Variants in GSE1 observed in about 807,000 individuals in gnomAD.
GSE1 encodes genetic suppressor element 1.
A neutral mutation model predicts 112.6 loss-of-function variants in GSE1; 32 were observed. That is an observed-to-expected ratio of 0.28 (90% CI 0.21 to 0.38). The LOEUF (loss-of-function observed/expected upper bound fraction) is 0.38, where lower values mean the gene tolerates loss of function less well. Ranked by LOEUF, GSE1 falls within the 10% of genes least tolerant of loss-of-function variation. The probability of loss-of-function intolerance (pLI) is 1.00; values close to 1 mark genes in which losing one functional copy is unlikely to be tolerated. For missense variants in GSE1, 2,348 were observed against 1,699.2 expected, an observed-to-expected ratio of 1.38 and a Z score of -6.71; for synonymous variants, 1,115 against 735.6, an observed-to-expected ratio of 1.52 and a Z score of -8.35.
upstream of GSE1, among the ~76,000 whole-genome samples, chr16:85,611,806 T>TG (rs1397469268): frequency 1.5e-5 from 2 of 135,310 alleles, no homozygotes; most frequent in Non-Finnish European, 3.2e-5. Context: ...AACAGATGGA[T>TG]GGGGGGTGGC....
chr16:85,482,093 C>T (rs1474700885), intron 2 of GSE1, among the ~76,000 whole-genome samples: 1 of 152,250 alleles, frequency 6.6e-6, no homozygotes, highest in East Asian at 1.9e-4. Flanking sequence ...GACGACCCAA[C>T]TTGTCATGTT....
chr16:85,558,597 C>T (rs374233180), intron 1 of GSE1, among the ~76,000 whole-genome samples: 3 of 152,154 alleles, frequency 2.0e-5, no homozygotes, highest in East Asian at 3.9e-4. Context: ...TGACTTTTGT[C>T]CTGACCCCCA....
At chr16:85,494,760 T>C (rs2051116776) in intron 2 of GSE1, among the ~76,000 whole-genome samples, 1 of 152,186 alleles carries the variant, frequency 6.6e-6, no homozygotes, top group African/African-American at 2.4e-5. Flanking sequence ...GGGAACTCTA[T>C]TAAATCTAGT....
At chr16:85,519,751 A>G (rs1598046133) in intron 2 of GSE1, among the ~76,000 whole-genome samples, 1 of 118,350 alleles carries the variant, frequency 8.4e-6, no homozygotes, top group East Asian at 3.1e-4. Flanking sequence ...CATCAGCATC[A>G]CCATCACCAC....
chr16:85,504,756 G>T (rs2051482111), intron 2 of GSE1, among the ~76,000 whole-genome samples: 1 of 152,134 alleles, frequency 6.6e-6, no homozygotes, highest in South Asian at 2.1e-4. Flanking sequence ...ACTCAAATTG[G>T]CTTAACCCAT....
At chr16:85,525,358 G>A (rs974948718) in intron 2 of GSE1, among the ~76,000 whole-genome samples, 6 of 152,238 alleles carry the variant, frequency 3.9e-5, no homozygotes, top group Admixed American at 3.9e-4. Context: ...CTCAGCCCGA[G>A]GGAAGGGCGG....
intron 2 of GSE1, among the ~76,000 whole-genome samples, chr16:85,644,620 T>A (rs779765941): frequency 1.3e-5 from 2 of 152,150 alleles, no homozygotes; most frequent in Non-Finnish European, 2.9e-5. Flanking sequence ...GGCCCTTCTT[T>A]AGAGACGGAG....
At chr16:85,615,727 A>AGTG (rs2048329674) in intron 1 of GSE1, among the ~76,000 whole-genome samples, 1 of 152,176 alleles carries the variant, frequency 6.6e-6, no homozygotes, top group South Asian at 2.1e-4. Context: ...AGGATCTTGG[A>AGTG]GTGTCAGAGT....
At chr16:85,640,134 C>G (rs1237337044) in intron 2 of GSE1, among the ~76,000 whole-genome samples, 1 of 152,178 alleles carries the variant, frequency 6.6e-6, no homozygotes, top group Admixed American at 6.5e-5. Context: ...CACCCCAGCA[C>G]CACCCATGGT....
chr16:85,326,164 GC>G (rs1265481245), intron 1 of GSE1, among the ~76,000 whole-genome samples: 2 of 152,252 alleles, frequency 1.3e-5, no homozygotes, highest in East Asian at 1.9e-4. Flanking sequence ...TGGAATCGGT[GC>G]CCCCCTGGCT....
chr16:85,440,333 T>C lies in GSE1; in HGVS notation c.2464+82690T>C, dbSNP rs555469206. On this transcript the variant is annotated intron_variant, in intron 2 of 2. Coordinates refer to the GSE1 transcript ENST00000637419. ...GCTCTAGCAAATCACAAGCCTGGAT[T>C]GAGGCCTCAGGATTCCTTGTACCGT... 1.9e-4 allele frequency among the ~76,000 whole-genome samples: 29 copies of C among 152,354 alleles called. No individual in the cohort carries two copies. In the South Asian group the frequency reaches 5.6e-3, roughly 29 times the overall value.
intron 1 of GSE1, among the ~76,000 whole-genome samples, chr16:85,308,775 A>G (rs2045749094): frequency 6.6e-6 from 1 of 151,490 alleles, no homozygotes; most frequent in Admixed American, 6.6e-5. Flanking sequence ...AGAGGTTTGC[A>G]GCAAAAGCCA....
chr16:85,442,126 C>T (rs1220673534), intron 2 of GSE1, among the ~76,000 whole-genome samples: 1 of 152,194 alleles, frequency 6.6e-6, no homozygotes, highest in Non-Finnish European at 1.5e-5. Flanking sequence ...CCTGGAGATC[C>T]TTCTGCCAAA....
chr16:85,355,039 A>T (rs1489460982), intron 1 of GSE1, among the ~76,000 whole-genome samples: 1 of 152,106 alleles, frequency 6.6e-6, no homozygotes, highest in Non-Finnish European at 1.5e-5. Flanking sequence ...TGCCTGTGGG[A>T]TTTGTGGGGG....
intron 13 of GSE1, among the ~76,000 whole-genome samples, chr16:85,667,924 C>T (rs2053007552): frequency 6.6e-6 from 1 of 150,794 alleles, no homozygotes; most frequent in African/African-American, 2.4e-5. Flanking sequence ...AATCAACTAG[C>T]ACTCAGGGCT....
intron 1 of GSE1, among the ~76,000 whole-genome samples, chr16:85,306,926 T>C (rs1369163012): frequency 2.6e-5 from 4 of 152,248 alleles, no homozygotes; most frequent in African/African-American, 9.6e-5. Context: ...CTTCCTGTTA[T>C]GCACTGGGGC....
intron 1 of GSE1, among the ~76,000 whole-genome samples, chr16:85,247,443 C>T (rs1413301019): frequency 6.6e-6 from 1 of 152,210 alleles, no homozygotes; most frequent in Non-Finnish European, 1.5e-5. Flanking sequence ...CTCCAGAAGG[C>T]AGTGGCTGCA....
intron 2 of GSE1, among the ~76,000 whole-genome samples, chr16:85,365,759 G>GC (rs1352130648): frequency 6.6e-6 from 1 of 152,238 alleles, no homozygotes; most frequent in African/African-American, 2.4e-5. Flanking sequence ...CTCTCTTCTA[G>GC]CCATGTGTTG....
chr16:85,436,451 C>T (rs185032648), intron 2 of GSE1, among the ~76,000 whole-genome samples: 15 of 152,368 alleles, frequency 9.8e-5, no homozygotes, highest in Admixed American at 4.6e-4. Context: ...CCAATCTGCC[C>T]TCTCCCTGGT....
Sources: gnomAD v4.1 joint callset for allele counts (sites outside exome capture counted in the v4.1 genomes callset) on GRCh38, gnomAD v4.1.1 for gene constraint, MANE v1.5 for transcripts, NCBI Gene and HGNC (gene_info 2026-07-23, HGNC 2026-07-21) for gene names.